NKAIN2: variants seen among roughly 807,000 people sequenced by gnomAD.
The protein encoded by NKAIN2 is sodium/potassium transporting ATPase interacting 2.
Under a neutral mutation model 32.6 loss-of-function variants are expected in NKAIN2, and 14 were observed. The observed-to-expected ratio is 0.43, with a 90% CI of 0.28 to 0.67. NKAIN2 has a LOEUF of 0.67. Ranked by LOEUF, NKAIN2 falls within the 30% of genes least tolerant of loss-of-function variation. The pLI, the probability that NKAIN2 is intolerant of heterozygous loss-of-function variation, is 0.17. For missense variants in NKAIN2, 198 were observed against 258.3 expected, an observed-to-expected ratio of 0.77 and a Z score of 1.60; for synonymous variants, 80 against 87.2, an observed-to-expected ratio of 0.92 and a Z score of 0.46.
rs966870087 is a variant in NKAIN2 at position 124,454,111 on chromosome 6, G to C, written c.273+98764G>C. Among the ~76,000 whole-genome samples the C allele has an allele frequency of 1.3e-3, 188 of 146,354 alleles. 4 individuals carry two copies. Among genetic ancestry groups the C allele is most frequent in the Admixed American group, 2.0e-3 (30 of 14,712 alleles). The stretch of plus-strand genomic sequence containing the variant: ...AATATGTTGGGTTTTTTTTTTGGGG[G>C]GGGGGGTTGCTGGTTTATTTGCTTT... On this transcript the variant is annotated intron_variant, in intron 3 of 6. Coordinates refer to ENST00000368417, the MANE Select transcript of NKAIN2 (RefSeq NM_001040214.3).
At chr6:124,331,672 G>A (rs1253876394) in intron 2 of NKAIN2, among the ~76,000 whole-genome samples, 9 of 152,096 alleles carry the variant, frequency 5.9e-5, no homozygotes, top group Admixed American at 5.9e-4. Flanking sequence ...ACACCTTGTG[G>A]CCCTGCATTT....
chr6:123,849,344 G>A (rs1456770360), intron 1 of NKAIN2, among the ~76,000 whole-genome samples: 1 of 152,170 alleles, frequency 6.6e-6, no homozygotes, highest in African/African-American at 2.4e-5. Flanking sequence ...TAGCAGAGTT[G>A]GGAAGTAGAC....
At chr6:124,716,478 C>T (rs193249968) in intron 4 of NKAIN2, among the ~76,000 whole-genome samples, 18 of 152,284 alleles carry the variant, frequency 1.2e-4, no homozygotes, top group Admixed American at 3.3e-4. Context: ...GAAACATGCC[C>T]TTGCCCCACA....
chr6:124,044,984 C>T (rs1035495666), intron 1 of NKAIN2, among the ~76,000 whole-genome samples: 19 of 151,860 alleles, frequency 1.3e-4, no homozygotes, highest in African/African-American at 4.4e-4. Context: ...CCCAAAACTG[C>T]GTTTTCTGAT....
At position 124,586,825 on chromosome 6, in the gene NKAIN2, T is replaced by G. The variant is rs532991207; in HGVS notation, c.274-71361T>G. Among the ~76,000 whole-genome samples, 359 of 152,282 alleles carry G rather than the reference T, an allele frequency of 2.4e-3. 1 individual carries two copies. The highest frequency in any genetic ancestry group is 8.2e-3 in the African/African-American group (341 of 41,564). On this transcript the variant is annotated intron_variant, in intron 3 of 6. Coordinates refer to ENST00000368417, the MANE Select transcript of NKAIN2 (RefSeq NM_001040214.3). Reference sequence around the variant, plus strand: ...TGGTGAGTGGATAAATCGTGATACCTCTATACAATGGAACATTACTCAGAA... The same window carrying G: ...TGGTGAGTGGATAAATCGTGATACCGCTATACAATGGAACATTACTCAGAA...
At chr6:123,903,923 T>TTC (rs61622361) in intron 1 of NKAIN2, among the ~76,000 whole-genome samples, 6 of 151,804 alleles carry the variant, frequency 4.0e-5, no homozygotes, top group African/African-American at 1.5e-4. Flanking sequence ...TTTTTTTTTT[T>TTC]CTAAAGAAAA....
intron 2 of NKAIN2, among the ~76,000 whole-genome samples, chr6:124,351,115 A>T (rs1161285368): frequency 6.6e-6 from 1 of 152,234 alleles, no homozygotes; most frequent in African/African-American, 2.4e-5. Context: ...GATCAAATGA[A>T]GGTTGGTTTC....
chr6:124,265,146 TG>T (rs1214307194), intron 1 of NKAIN2, among the ~76,000 whole-genome samples: 7 of 151,876 alleles, frequency 4.6e-5, no homozygotes, highest in African/African-American at 1.7e-4. Flanking sequence ...CTATAGCATT[TG>T]TTTTTTTTCA....
intron 3 of NKAIN2, among the ~76,000 whole-genome samples, chr6:124,388,377 A>C (rs570028846): frequency 4.4e-4 from 66 of 150,152 alleles, no homozygotes; most frequent in African/African-American, 1.6e-3. Context: ...TTGTTAAAAC[A>C]AATGTTTCTG....
At chr6:124,069,164 T>C (rs1023816739) in intron 1 of NKAIN2, among the ~76,000 whole-genome samples, 5 of 152,212 alleles carry the variant, frequency 3.3e-5, no homozygotes, top group African/African-American at 1.2e-4. Flanking sequence ...TTCTGTATTT[T>C]ACTTCATATG....
intron 1 of NKAIN2, among the ~76,000 whole-genome samples, chr6:124,043,657 G>A (rs1781979673): frequency 6.6e-6 from 1 of 152,054 alleles, no homozygotes; most frequent in Non-Finnish European, 1.5e-5. Context: ...CCAGATGGTA[G>A]CTAAGATCAT....
intron 3 of NKAIN2, among the ~76,000 whole-genome samples, chr6:124,467,251 C>T (rs1776797361): frequency 6.6e-6 from 1 of 152,034 alleles, no homozygotes; most frequent in African/African-American, 2.4e-5. Context: ...ACATACCGAA[C>T]ACCAAGTAAA....
chr6:124,107,462 A>G (rs1272159036), intron 1 of NKAIN2, among the ~76,000 whole-genome samples: 1 of 152,088 alleles, frequency 6.6e-6, no homozygotes, highest in East Asian at 1.9e-4. Context: ...CAATTTCTGG[A>G]TATTTGTTCA....
chr6:124,722,055 A>G (rs1016722080), intron 4 of NKAIN2, among the ~76,000 whole-genome samples: 2 of 152,310 alleles, frequency 1.3e-5, no homozygotes, highest in South Asian at 4.1e-4. Flanking sequence ...CGTACCTAAT[A>G]TGAGTGGAAT....
rs1780131345 is a variant in NKAIN2, at chr6:124,547,341, T to A, written c.274-110845T>A. Reference sequence around the variant, plus strand: ...CAGTTCAAGTAAAATAGAAAGAGCATTCTATTGTTTTTTGATGGAACTAAA... The same window carrying A: ...CAGTTCAAGTAAAATAGAAAGAGCAATCTATTGTTTTTTGATGGAACTAAA... On this transcript the variant is annotated intron_variant, in intron 3 of 6. Transcript: ENST00000368417. 2.6e-5 allele frequency among the ~76,000 whole-genome samples: 4 copies of A among 152,154 alleles called. No homozygotes were observed. In the South Asian group the frequency reaches 8.3e-4, roughly 31 times the overall value.
intron 1 of NKAIN2, among the ~76,000 whole-genome samples, chr6:123,835,026 T>G (rs1294408300): frequency 6.6e-6 from 1 of 152,200 alleles, no homozygotes; most frequent in Non-Finnish European, 1.5e-5. Context: ...GTCTTTTGTT[T>G]TCTTGTATTG....
At chr6:124,329,227 C>G (rs1436874762) in intron 2 of NKAIN2, among the ~76,000 whole-genome samples, 1 of 152,204 alleles carries the variant, frequency 6.6e-6, no homozygotes, top group Non-Finnish European at 1.5e-5. Context: ...GTTGTGGCAA[C>G]TGCTCTGATG....
chr6:124,402,479 A>G (rs1773665255), intron 3 of NKAIN2, among the ~76,000 whole-genome samples: 2 of 152,188 alleles, frequency 1.3e-5, no homozygotes, highest in Admixed American at 6.5e-5. Flanking sequence ...CTATTTGTCT[A>G]TCCTCATGCC....
chr6:124,084,286 T>C (rs1253825445), intron 1 of NKAIN2, among the ~76,000 whole-genome samples: 1 of 152,008 alleles, frequency 6.6e-6, no homozygotes, highest in Non-Finnish European at 1.5e-5. Context: ...ACTGCAGATA[T>C]AATGGTGGTC....
Sources: allele counts gnomAD v4.1 joint callset (sites outside exome capture counted in the v4.1 genomes callset), GRCh38; gene constraint gnomAD v4.1.1; transcripts MANE v1.5; gene names NCBI Gene and HGNC (gene_info 2026-07-23, HGNC 2026-07-21).